Variants in AGFG2 observed in about 807,000 individuals in gnomAD.
AGFG2 encodes the protein arf-GAP domain and FG repeat-containing protein 2.
A neutral mutation model predicts 48.0 loss-of-function variants in AGFG2; 31 were observed. That is an observed-to-expected ratio of 0.65 (90% CI 0.49 to 0.87). The LOEUF (loss-of-function observed/expected upper bound fraction) is 0.87, where lower values mean the gene tolerates loss of function less well. Ranked by LOEUF, AGFG2 falls within the 40% of genes least tolerant of loss-of-function variation. The pLI is 0.00. For missense variants in AGFG2, 599 were observed against 632.6 expected, an observed-to-expected ratio of 0.95 and a Z score of 0.57; for synonymous variants, 229 against 260.8, an observed-to-expected ratio of 0.88 and a Z score of 1.18.
intron 6 of AGFG2, among the ~76,000 whole-genome samples, chr7:100,560,081 C>G (rs1490595688): frequency 1.3e-5 from 2 of 152,152 alleles, no homozygotes; most frequent in African/African-American, 4.8e-5. Flanking sequence ...GGAAAGGGAG[C>G]CGTGCTTGCG....
chr7:100,561,346 C>T (rs1800866742), intron 6 of AGFG2, among the ~76,000 whole-genome samples: 1 of 152,052 alleles, frequency 6.6e-6, no homozygotes, highest in Non-Finnish European at 1.5e-5. Flanking sequence ...AGGGTGGTCT[C>T]GAACTCCTGA....
chr7:100,564,038 C>T, intron 10 of AGFG2, 76 bp downstream of exon 10: 1 of 1,580,002 alleles, frequency 6.3e-7, no homozygotes, highest in Admixed American at 1.7e-5. Context: ...TTCCTCCGAC[C>T]TCATCAGAGC....
intron 6 of AGFG2, chr7:100,556,276 T>C (rs148448110): frequency 1.2e-3 from 240 of 198,298 alleles, no homozygotes; most frequent in Non-Finnish European, 1.6e-3. Flanking sequence ...TATTGTGCCA[T>C]TGCACTCCAG....
chr7:100,554,347 A>T, intron 5 of AGFG2, 89 bp downstream of exon 5: 2 of 1,456,328 alleles, frequency 1.4e-6, no homozygotes, highest in Non-Finnish European at 1.8e-6. Flanking sequence ...ATGGCTCTAG[A>T]TCTTCTCATG....
intron 1 of AGFG2, among the ~76,000 whole-genome samples, chr7:100,540,038 C>A (rs961581835): frequency 6.6e-6 from 1 of 151,318 alleles, no homozygotes; most frequent in Non-Finnish European, 1.5e-5. Context: ...TTTCTTCCTT[C>A]GGGCTTGTGT....
intron 6 of AGFG2, chr7:100,556,423 T>C (rs1259704353): frequency 1.5e-5 from 5 of 344,786 alleles, no homozygotes; most frequent in Non-Finnish European, 2.2e-5. Flanking sequence ...GCTCTACACA[T>C]TGAGTCTTCA....
chr7:100,554,001 A>G lies in AGFG2; in HGVS notation c.586-92A>G, dbSNP rs1361271986. The G allele has an allele frequency of 1.9e-5, 28 of 1,456,208 alleles. No individual in the cohort carries two copies. The South Asian group carries it at 3.1e-4, about 16-fold the overall frequency. The allele number at this position is 1,456,208 out of a possible 1,614,324, so 90.2% of individuals were successfully genotyped here. ...CAGTTACTCACTGTCTTCTCTCTCT[A>G]CCTGCCTATCTGAGGGCAACCTGGG... On this transcript the variant is annotated intron_variant, in intron 4 of 11. Transcript: ENST00000300176.
In AGFG2 at chr7:100,562,212, C is replaced by T; in HGVS notation, c.878-47C>T. On this transcript the variant is annotated intron_variant, in intron 6 of 11. Coordinates refer to ENST00000300176, the MANE Select transcript of AGFG2 (RefSeq NM_006076.5). This position sits in a 1 kb window ranked among gnomAD's most constrained non-coding sequence, Gnocchi z 5.4. ...CCATCTGCTCTCCTGCCCCTCCCGC[C>T]CTGTCTTACCTCAGCTCTCCCTGTT... 7 of 1,595,706 alleles carry T rather than the reference C, an allele frequency of 4.4e-6. No individual in the cohort carries two copies. The highest frequency in any genetic ancestry group is 5.1e-6 in the Non-Finnish European group (6 of 1,167,182).
At position 100,565,084 on chromosome 7, in the gene AGFG2, G is replaced by C; in HGVS notation, c.*93G>C. On this transcript the variant is annotated 3_prime_UTR_variant, in exon 12 of 12. Coordinates refer to ENST00000300176, the MANE Select transcript of AGFG2 (RefSeq NM_006076.5). ...CACTTGCCTGTGGGCATTTCTATGG[G>C]CCTTGGGGATGGTGGAGGTGCTAAT... 11 of 1,403,742 alleles carry C rather than the reference G, an allele frequency of 7.8e-6. No individual in the cohort carries two copies. Among genetic ancestry groups the C allele is most frequent in the Non-Finnish European group, 1.1e-5 (11 of 989,832 alleles). The allele number at this position is 1,403,742 out of a possible 1,614,324, so 87.0% of individuals were successfully genotyped here. A position where few individuals can be genotyped will look rare whatever the true frequency, so the allele number is the denominator to read the frequency against.
Position 100,550,529 on chromosome 7 carries a change from G to A in AGFG2, c.431+18G>A, listed in dbSNP as rs775536622. On this transcript the variant is annotated intron_variant, in intron 3 of 11. Transcript: ENST00000300176. ...AAGAGATGGTAAGGAGTAGGAAAGA[G>A]GTTGCTATGGAAACGTGTTCAAGAC... 2 of 1,570,878 alleles carry A rather than the reference G, an allele frequency of 1.3e-6. No homozygotes were observed.
intron 1 of AGFG2, among the ~76,000 whole-genome samples, chr7:100,547,168 C>T (rs1015832121): frequency 6.6e-6 from 1 of 150,498 alleles, no homozygotes; most frequent in African/African-American, 2.5e-5. Context: ...CCCTGCCCCC[C>T]ACCCCCACCA....
chr7:100,563,178 TAGAGTTG>T, intron 9 of AGFG2, among the ~76,000 whole-genome samples: 1 of 152,332 alleles, frequency 6.6e-6, no homozygotes, highest in East Asian at 1.9e-4. Flanking sequence ...AAGACTGTTT[TAGAGTTG>T]ACTGACAGTG....
intron 6 of AGFG2, among the ~76,000 whole-genome samples, chr7:100,557,454 G>A (rs2131118066): frequency 6.6e-6 from 1 of 152,230 alleles, no homozygotes; most frequent in African/African-American, 2.4e-5. Context: ...GGTTTTTGTT[G>A]TTGTTTTGTT....
rs1562798888 is a variant in AGFG2 at position 100,567,750 on chromosome 7, C to T, written c.*2759C>T. The T allele has an allele frequency of 6.6e-6, 1 of 152,258 alleles. No homozygotes were observed. The highest frequency in any genetic ancestry group is 1.5e-5 in the Non-Finnish European group (1 of 68,070). The allele number at this position is 152,258 out of a possible 1,614,324, so 9.4% of individuals were successfully genotyped here. On this transcript the variant is annotated 3_prime_UTR_variant, in exon 12 of 12. Transcript: ENST00000300176. ...CATAGGGGCTGAGAACGCAGTGCCC[C>T]GTCCCTGACAGGGATGAAAAGTGAA...
rs1800366521 is a variant in AGFG2, at chr7:100,539,226, G to GATGCCGCCCGCTCCCGAGC, written c.-120_-102dup. On this transcript the variant is annotated 5_prime_UTR_variant, in exon 1 of 12. It adds an upstream start codon to the 5' untranslated region. Coordinates refer to ENST00000300176, the MANE Select transcript of AGFG2 (RefSeq NM_006076.5). ...GTGGTGGACGGCGAAGTCTCCTGCG[G>GATGCCGCCCGCTCCCGAGC]ATGCCGCCCGCTCCCGAGCTTCTGT... 1.9e-6 allele frequency: 2 copies of GATGCCGCCCGCTCCCGAGC among 1,047,236 alleles called. No homozygotes were observed. The highest frequency in any genetic ancestry group is 6.5e-5 in the East Asian group (2 of 30,894). 64.9% of individuals were successfully genotyped at this position (1,047,236 alleles called of 1,614,324 possible). A position where few individuals can be genotyped will look rare whatever the true frequency, so the allele number is the denominator to read the frequency against.
chr7:100,553,199 T>G, intron 3 of AGFG2, 148 bp from the exon 4 acceptor site: 1 of 1,014,226 alleles, frequency 9.9e-7, no homozygotes, highest in East Asian at 2.4e-5. Context: ...GGCAGAACTT[T>G]GCTAAGTTGC....
At chr7:100,550,616 T>C in intron 3 of AGFG2, 105 bp downstream of exon 3, 1 of 806,464 alleles carries the variant, frequency 1.2e-6, no homozygotes, top group African/African-American at 1.7e-5. Context: ...AAGACTAGAC[T>C]TGGGTCGATT....
intron 1 of AGFG2, among the ~76,000 whole-genome samples, chr7:100,545,388 A>G (rs1003404016): frequency 6.6e-6 from 1 of 152,182 alleles, no homozygotes; most frequent in Non-Finnish European, 1.5e-5. Flanking sequence ...TAATGGAATC[A>G]GAGAGGAGAC....
intron 1 of AGFG2, among the ~76,000 whole-genome samples, chr7:100,545,624 G>A (rs1800496184): frequency 6.6e-6 from 1 of 152,158 alleles, no homozygotes; most frequent in Non-Finnish European, 1.5e-5. Flanking sequence ...ATTGATCTCT[G>A]TTCCTCCCCA....
Sources: gnomAD v4.1 joint callset for allele counts (sites outside exome capture counted in the v4.1 genomes callset) on GRCh38, gnomAD v4.1.1 for gene constraint, Gnocchi (gnomAD v3.1) non-coding constraint, MANE v1.5 for transcripts, NCBI Gene and HGNC (gene_info 2026-07-23, HGNC 2026-07-21) for gene names.